NTM: variants seen among roughly 807,000 people sequenced by gnomAD.
NTM encodes the protein neurotrimin.
In NTM, 13 loss-of-function variants were observed where a neutral mutation model predicts 42.1. The ratio of observed to expected loss-of-function variants is 0.31; its 90% CI spans 0.20 to 0.49. The LOEUF (loss-of-function observed/expected upper bound fraction) is 0.49. Among genes scored for constraint, NTM ranks in the 20% least tolerant of loss-of-function variants. The pLI is 0.99. For missense variants in NTM, 373 were observed against 452.8 expected (o/e 0.82, Z 1.60); for synonymous variants, 187 against 179.2 (o/e 1.04, Z -0.35).
At chr11:131,596,763 A>G (rs1263846755) in intron 1 of NTM, among the ~76,000 whole-genome samples, 1 of 152,204 alleles carries the variant, frequency 6.6e-6, no homozygotes, top group Non-Finnish European at 1.5e-5. Flanking sequence ...AGTTAATGTG[A>G]TACTCAGTGT....
At position 132,146,303 on chromosome 11, in the gene NTM, C is replaced by T. The variant is rs766871211; in HGVS notation, c.189C>T (p.Val63=). 8 of 1,614,072 alleles carry T rather than the reference C, an allele frequency of 5.0e-6. No individual in the cohort carries two copies. The South Asian group carries it at 8.8e-5, about 18-fold the overall frequency. ...ATLRCTIDNR[V]TRVAWLNRST... is the part of the protein sequence containing the mutation. The stretch of plus-strand genomic sequence containing the variant: ...TCAGGTGCACTATTGACAACCGGGT[C>T]ACCCGGGTGGCCTGGCTAAACCGCA... Residue 63 remains valine, a synonymous_variant, in exon 3 of 9, where the codon GTC becomes GTT. Transcript: ENST00000683400. This position sits in a 1 kb window ranked among gnomAD's most constrained non-coding sequence, Gnocchi z 4.5.
chr11:132,262,606 C>A (rs549602065), intron 4 of NTM, among the ~76,000 whole-genome samples: 28 of 152,202 alleles, frequency 1.8e-4, no homozygotes, highest in African/African-American at 6.5e-4. Flanking sequence ...GACTTTAATT[C>A]CATTCACGAG....
At chr11:132,143,100 A>T (rs1002895718) in intron 2 of NTM, among the ~76,000 whole-genome samples, 1 of 152,118 alleles carries the variant, frequency 6.6e-6, no homozygotes, top group Non-Finnish European at 1.5e-5. Context: ...TTCCCTGAAC[A>T]TATGGGTTAC....
chr11:131,705,342 A>G (rs1397767458), intron 1 of NTM, among the ~76,000 whole-genome samples: 2 of 152,166 alleles, frequency 1.3e-5, no homozygotes, highest in African/African-American at 4.8e-5. Context: ...GCTAAAAGGA[A>G]AAACACTGTC....
chr11:131,798,808 C>A (rs7936475), intron 1 of NTM, among the ~76,000 whole-genome samples: 120,504 of 151,712 alleles, frequency 0.79, 48,617 homozygotes, highest in African/African-American at 0.91. Flanking sequence ...GATAATAACC[C>A]TCTGTACTGG....
At chr11:131,727,333 A>C (rs1451029911) in intron 1 of NTM, among the ~76,000 whole-genome samples, 1 of 152,216 alleles carries the variant, frequency 6.6e-6, no homozygotes, top group Non-Finnish European at 1.5e-5. Context: ...TGGGGGACAA[A>C]AGGAAATGAA....
intron 1 of NTM, among the ~76,000 whole-genome samples, chr11:131,790,766 A>C (rs1415031965): frequency 6.6e-6 from 1 of 152,196 alleles, no homozygotes; most frequent in African/African-American, 2.4e-5. Context: ...AATTCTCTCC[A>C]TAGCAATTTC....
chr11:131,441,658 T>C (rs1178662912), intron 1 of NTM, among the ~76,000 whole-genome samples: 7 of 152,158 alleles, frequency 4.6e-5, no homozygotes, highest in Admixed American at 4.6e-4. Context: ...CCCATATGAA[T>C]GAATTTTCAT....
At chr11:132,080,898 G>T (rs2058955602) in intron 2 of NTM, among the ~76,000 whole-genome samples, 1 of 152,196 alleles carries the variant, frequency 6.6e-6, no homozygotes, top group African/African-American at 2.4e-5. Context: ...CAGCACCTGT[G>T]TTCCTGATAT....
intron 1 of NTM, among the ~76,000 whole-genome samples, chr11:131,481,783 C>CA (rs1953624597): frequency 6.6e-6 from 1 of 152,144 alleles, no homozygotes; most frequent in African/African-American, 2.4e-5. Flanking sequence ...TGTAGCCACA[C>CA]AGCCCCACCT....
chr11:131,874,030 A>AATATATATATATATATATATATAT (rs59083400), intron 1 of NTM, among the ~76,000 whole-genome samples: 1 of 76,632 alleles, frequency 1.3e-5, no homozygotes, highest in Non-Finnish European at 2.9e-5. Context: ...AATATAATAT[A>AATATATATATATATATATATATAT]ATATATATAT....
chr11:131,798,772 G>A (rs1282507359), intron 1 of NTM, among the ~76,000 whole-genome samples: 1 of 152,176 alleles, frequency 6.6e-6, no homozygotes, highest in Non-Finnish European at 1.5e-5. Context: ...CATTTAAGAT[G>A]TCTGCAACCT....
At chr11:132,075,745 C>T (rs994061406) in intron 2 of NTM, among the ~76,000 whole-genome samples, 1 of 152,108 alleles carries the variant, frequency 6.6e-6, no homozygotes, top group Non-Finnish European at 1.5e-5. Flanking sequence ...TTTACAAGTG[C>T]TTAGATTAAA....
intron 2 of NTM, among the ~76,000 whole-genome samples, chr11:132,121,539 T>C (rs985374057): frequency 1.1e-4 from 17 of 152,188 alleles, no homozygotes; most frequent in African/African-American, 4.1e-4. Flanking sequence ...GCTGGTTCAT[T>C]ATAGGATCCT....
At chr11:131,405,372 C>T (rs748412336) in intron 1 of NTM, among the ~76,000 whole-genome samples, 38 of 152,166 alleles carry the variant, frequency 2.5e-4, no homozygotes, top group Non-Finnish European at 4.4e-4. Flanking sequence ...CAGTGAGAGG[C>T]TGTTTTTCCC....
chr11:131,809,391 C>T (rs1336940293), intron 1 of NTM, among the ~76,000 whole-genome samples: 1 of 152,182 alleles, frequency 6.6e-6, no homozygotes, highest in Non-Finnish European at 1.5e-5. Flanking sequence ...TGCATCTAGA[C>T]TTCCCTGTCC....
At chr11:131,453,743 G>A (rs1950658216) in intron 1 of NTM, among the ~76,000 whole-genome samples, 1 of 152,190 alleles carries the variant, frequency 6.6e-6, no homozygotes, top group African/African-American at 2.4e-5. Context: ...GAAAGCAGGA[G>A]CCATTTGCCA....
intron 2 of NTM, chr11:132,140,942 T>C (rs1269610854): frequency 2.0e-5 from 3 of 152,214 alleles, no homozygotes; most frequent in Non-Finnish European, 4.4e-5. Context: ...AAAGCACTTA[T>C]TTTGCTGTGG....
chr11:132,089,562 C>CA (rs2060146002), intron 2 of NTM, among the ~76,000 whole-genome samples: 1 of 152,122 alleles, frequency 6.6e-6, no homozygotes, highest in Non-Finnish European at 1.5e-5. Context: ...AATTAGGACA[C>CA]AAAAAAGATG....
Sources: gnomAD v4.1 joint callset for allele counts (sites outside exome capture counted in the v4.1 genomes callset) on GRCh38, gnomAD v4.1.1 for gene constraint, Gnocchi (gnomAD v3.1) non-coding constraint, MANE v1.5 for transcripts, NCBI Gene and HGNC (gene_info 2026-07-23, HGNC 2026-07-21) for gene names.